ZFYVE26: variants seen among roughly 807,000 people sequenced by gnomAD.
The protein encoded by ZFYVE26 is zinc finger FYVE domain-containing protein 26.
A neutral mutation model predicts 276.5 loss-of-function variants in ZFYVE26; 181 were observed. That is an observed-to-expected ratio of 0.65 (90% confidence interval 0.58 to 0.74). The LOEUF is 0.74. ZFYVE26 is among the 30% of genes least tolerant of loss of function. The pLI is 0.00. For missense variants in ZFYVE26, 2,821 were observed against 3,097.9 expected (o/e 0.91, Z 2.12); for synonymous variants, 1,129 against 1,203.1 (o/e 0.94, Z 1.27).
At chr14:67,750,334 C>T (rs10483804) in intron 41 of ZFYVE26, 15,260 of 154,130 alleles carry the variant, frequency 0.099, 828 homozygotes, top group East Asian at 0.14. Context: ...GTGTAAGAAG[C>T]TCTTTGCCTG....
At chr14:67,735,799 T>C (rs539628093) in intron 13 of ZFYVE26, among the ~76,000 whole-genome samples, 1 of 152,330 alleles carries the variant, frequency 6.6e-6, no homozygotes, top group South Asian at 2.1e-4. Flanking sequence ...ACTGTCCTAA[T>C]TTCCTAAAAA....
In ZFYVE26 at chr14:67,753,608, A is replaced by G. The variant is rs748761144; in HGVS notation, c.7188+99T>C. The G allele has an allele frequency of 8.1e-5, 106 of 1,316,294 alleles. No homozygotes were observed. In the Middle Eastern group the frequency reaches 1.8e-3, roughly 22 times the overall value. The allele number at this position is 1,316,294 out of a possible 1,614,324, so 81.5% of individuals were successfully genotyped here. On this transcript the variant is annotated intron_variant, in intron 39 of 41. Coordinates refer to ENST00000347230, the MANE Select transcript of ZFYVE26 (RefSeq NM_015346.4). ...TCATCCCTAATGTGCATGTAAATCC[A>G]CTTTTCTTGGGATAAGAATTTCCTA... is the stretch of plus-strand genomic sequence containing the variant.
intron 2 of ZFYVE26, 143 bp from the exon 3 acceptor site, chr14:67,814,207 A>G (rs2040355328): frequency 1.4e-6 from 1 of 729,748 alleles, no homozygotes; most frequent in South Asian, 1.5e-5. Flanking sequence ...TTTTAAATGT[A>G]TATGACAGTT....
rs2038550153 is a variant in ZFYVE26, at chr14:67,748,585, T to C, written c.7471A>G (p.Lys2491Glu). Residue 2491 changes from lysine (K) to glutamate (E), a missense_variant, in exon 42 of 42, where the codon AAG becomes GAG. Physicochemically the swap from Lys to Glu is moderately conservative, Grantham distance 56. Transcript: ENST00000347230. ...KLRSAYLIAV[K>E]QEHSRATALV... ...GCTGTGGCCCGTGAGTGTTCTTGCT[T>C]CACAGCAATCAAGTAGGCAGAACGC... 6.2e-7 allele frequency: 1 copy of C among 1,614,156 alleles called. No homozygotes were observed.
At chr14:67,735,228 GTGC>G in intron 13 of ZFYVE26, 1 of 1,447,532 alleles carries the variant, frequency 6.9e-7, no homozygotes, top group Admixed American at 1.7e-5. Flanking sequence ...TGGTGTTCAG[GTGC>G]TCCCACGAGA....
chr14:67,742,711 A>G (rs1475004411), downstream of ZFYVE26, among the ~76,000 whole-genome samples: 1 of 152,172 alleles, frequency 6.6e-6, no homozygotes, highest in Non-Finnish European at 1.5e-5. Flanking sequence ...TAGCTTGGAC[A>G]TAGCTTGATG....
chr14:67,769,948 G>A (rs2039163781), intron 28 of ZFYVE26: 6 of 616,460 alleles, frequency 9.7e-6, no homozygotes, highest in Non-Finnish European at 1.7e-5. Flanking sequence ...AAGTCATGGA[G>A]CTTTGCGATA....
chr14:67,784,519 G>C, intron 19 of ZFYVE26, 83 bp from the exon 20 acceptor site: 4 of 1,249,454 alleles, frequency 3.2e-6, no homozygotes, highest in Non-Finnish European at 4.7e-6. Context: ...TGAGAAAAAA[G>C]TACAGTGTCA....
chr14:67,774,903 T>C, intron 27 of ZFYVE26, 113 bp downstream of exon 27: 1 of 690,828 alleles, frequency 1.4e-6, no homozygotes, highest in Non-Finnish European at 2.5e-6. Flanking sequence ...CAATTAATAA[T>C]GTTGTAACTG....
At chr14:67,804,059 C>T (rs868707153) in intron 9 of ZFYVE26, 42 bp downstream of exon 9, 1 of 1,611,482 alleles carries the variant, frequency 6.2e-7, no homozygotes, top group Middle Eastern at 1.9e-4. Context: ...GTAAGAATGT[C>T]CTAAGAGGAA....
At chr14:67,733,086 C>T (rs1163081136) in intron 13 of ZFYVE26, among the ~76,000 whole-genome samples, 1 of 151,734 alleles carries the variant, frequency 6.6e-6, no homozygotes, top group Non-Finnish European at 1.5e-5. Context: ...CAAACCTGCA[C>T]GTTGTGCACA....
At chr14:67,764,299 G>C (rs773308062) in intron 32 of ZFYVE26, among the ~76,000 whole-genome samples, 1 of 152,174 alleles carries the variant, frequency 6.6e-6, no homozygotes, top group Non-Finnish European at 1.5e-5. Flanking sequence ...TAGGGATGGG[G>C]GAGAGGAAAG....
Position 67,761,559 on chromosome 14 carries a change from A to G in ZFYVE26, c.6395T>C (p.Leu2132Pro). Residue 2132 changes from leucine to proline, a missense_variant, in exon 35 of 42, where the codon CTG (leucine) becomes CCG (proline). Coordinates refer to ENST00000347230, the MANE Select transcript of ZFYVE26 (RefSeq NM_015346.4). ...CCGAAGGGTAGCTTCCAGTTCCCTC[A>G]GGGTGGCAAAGTAATCGTCATCTTG... ...SLQDDDYFAT[L>P]RELEATLRTQ... 1 of 1,614,190 alleles carries G rather than the reference A, an allele frequency of 6.2e-7. No individual in the cohort carries two copies. Among genetic ancestry groups the G allele is most frequent in the Admixed American group, 1.7e-5 (1 of 60,012 alleles).
Position 67,748,546 on chromosome 14 carries a change from C to G in ZFYVE26, c.7510G>C (p.Val2504Leu), listed in dbSNP as rs775241506. The G allele has an allele frequency of 6.2e-7, 1 of 1,614,164 alleles. No homozygotes were observed. Among genetic ancestry groups the G allele is most frequent in the East Asian group, 2.2e-5 (1 of 44,880 alleles). ...HSRATALVQQ[V>L]QQAAKSSGDA... ...CCGCTGCTCTTGGCGGCCTGCTGCA[C>G]CTGCTGGACAAGGGCTGTGGCCCGT... The change falls in exon 42 of 42, where the codon GTG becomes CTG. Residue 2504 changes from valine (V) to leucine (L), a missense_variant. Val to Leu is a conservative substitution (Grantham distance 32). Coordinates refer to ENST00000347230, the MANE Select transcript of ZFYVE26 (RefSeq NM_015346.4).
intron 35 of ZFYVE26, among the ~76,000 whole-genome samples, chr14:67,758,967 C>T (rs61986982): frequency 8.1e-4 from 124 of 152,190 alleles, no homozygotes; most frequent in Non-Finnish European, 1.5e-3. Context: ...AGGCTGGGCA[C>T]GGTGGCTCAC....
intron 41 of ZFYVE26, among the ~76,000 whole-genome samples, chr14:67,749,157 T>C (rs148709558): frequency 2.1e-4 from 32 of 152,312 alleles, no homozygotes; most frequent in Middle Eastern, 3.4e-3. Context: ...AATGAATATG[T>C]ATTACAGGAA....
At chr14:67,754,016 T>A in intron 38 of ZFYVE26, 55 bp downstream of exon 38, 1 of 1,612,998 alleles carries the variant, frequency 6.2e-7, no homozygotes, top group Non-Finnish European at 8.5e-7. Flanking sequence ...GCAATTATGA[T>A]AAGTGTTCTA....
At position 67,808,087 on chromosome 14, in the gene ZFYVE26, C is replaced by T. The variant is rs183018458; in HGVS notation, c.364-167G>A. 2.8e-3 allele frequency among the ~76,000 whole-genome samples: 424 copies of T among 152,270 alleles called. 1 individual carries two copies. The highest frequency in any genetic ancestry group is 7.5e-3 in the African/African-American group (311 of 41,546). Reference sequence around the variant, plus strand: ...AGACATTGTTCTAAGGCCCTTTACACAGAAAAATCAAATTAATCCTTACAA... The same window carrying T: ...AGACATTGTTCTAAGGCCCTTTACATAGAAAAATCAAATTAATCCTTACAA... On this transcript the variant is annotated intron_variant, in intron 4 of 41. Transcript: ENST00000347230.
In ZFYVE26 at chr14:67,762,394, G is replaced by C; in HGVS notation, c.6178C>G (p.Leu2060Val). ...GCATGCCACGCCCCGGTGGTATCAA[G>C]CCCAGTCTTTGTGGAGACCTGGGAG... Reference protein sequence around the residue: ...LGVEVSTKTGLDTTGAWHAWG... With the variant: ...LGVEVSTKTGVDTTGAWHAWG... Residue 2060 changes from leucine (L) to valine (V), a missense_variant, in exon 34 of 42, where the codon CTT becomes GTT. Coordinates refer to ENST00000347230, the MANE Select transcript of ZFYVE26 (RefSeq NM_015346.4). 1 of 1,614,044 alleles carries C rather than the reference G, an allele frequency of 6.2e-7. No individual in the cohort carries two copies.
Sources: allele counts gnomAD v4.1 joint callset (sites outside exome capture counted in the v4.1 genomes callset), GRCh38; gene constraint gnomAD v4.1.1; transcripts MANE v1.5; gene names NCBI Gene and HGNC (gene_info 2026-07-23, HGNC 2026-07-21).